ADK: variants seen among roughly 807,000 people sequenced by gnomAD.
ADK encodes N6,N6-dimethyladenosine kinase.
Under a neutral mutation model 44.7 loss-of-function variants are expected in ADK, and 24 were observed. The ratio of observed to expected loss-of-function variants is 0.54; its 90% CI spans 0.39 to 0.76. The LOEUF is 0.76. Among genes scored for constraint, ADK ranks in the 30% least tolerant of loss-of-function variants. The pLI is 0.00. For synonymous variants in ADK, 128 were observed against 142.6 expected (o/e 0.90, Z 0.73); for missense variants, 321 against 425.1 (o/e 0.76, Z 2.15).
intron 3 of ADK, among the ~76,000 whole-genome samples, chr10:74,311,685 A>G (rs1840438141): frequency 6.6e-6 from 1 of 152,222 alleles, no homozygotes; most frequent in African/African-American, 2.4e-5. Context: ...TAAAGATTAA[A>G]CAATATCATA....
intron 6 of ADK, among the ~76,000 whole-genome samples, chr10:74,505,811 CT>C (rs1373060842): frequency 7.9e-5 from 12 of 152,108 alleles, no homozygotes; most frequent in Non-Finnish European, 1.8e-4. Context: ...TTATGACCCC[CT>C]AATCTAGATC....
At position 74,600,448 on chromosome 10, in the gene ADK, A is replaced by G; in HGVS notation, c.832A>G (p.Ile278Val). The G allele has an allele frequency of 6.2e-7, 1 of 1,611,798 alleles. No individual in the cohort carries two copies. ...AAAGATGAACTCAAAGAGGCAGCGAATCGTGATCTTCACCCAAGGGAGAGA... is the reference window on the plus strand; with the variant it reads ...AAAGATGAACTCAAAGAGGCAGCGAGTCGTGATCTTCACCCAAGGGAGAGA... ...LPKMNSKRQRIVIFTQGRDDT... is the reference protein window; with the variant it reads ...LPKMNSKRQRVVIFTQGRDDT... Residue 278 changes from isoleucine (I) to valine (V), a missense_variant, in exon 9 of 11, where the codon ATC becomes GTC. Physicochemically the swap from Ile to Val is conservative, Grantham distance 29. Transcript: ENST00000539909.
At chr10:74,322,354 G>T (rs911118456) in intron 4 of ADK, among the ~76,000 whole-genome samples, 1 of 152,124 alleles carries the variant, frequency 6.6e-6, no homozygotes, top group Non-Finnish European at 1.5e-5. Flanking sequence ...ACACCGTCTC[G>T]TCAATTCTTT....
At chr10:74,540,226 CAAGT>C (rs1564781561) in intron 7 of ADK, among the ~76,000 whole-genome samples, 1 of 151,958 alleles carries the variant, frequency 6.6e-6, no homozygotes, top group African/African-American at 2.4e-5. Context: ...TAAATACACT[CAAGT>C]AAAGAAAAAC....
chr10:74,220,955 G>A (rs1207579459), intron 2 of ADK, among the ~76,000 whole-genome samples: 45 of 151,080 alleles, frequency 3.0e-4, no homozygotes, highest in South Asian at 6.3e-4. Flanking sequence ...TTTGAAAACT[G>A]GCACAAGACA....
intron 7 of ADK, among the ~76,000 whole-genome samples, chr10:74,573,486 G>A (rs574331441): frequency 1.6e-4 from 24 of 152,328 alleles, no homozygotes; most frequent in East Asian, 7.7e-4. Flanking sequence ...CAGTCTGCCC[G>A]TTCTCAGATC....
chr10:74,626,011 A>G (rs899156361), intron 9 of ADK, among the ~76,000 whole-genome samples: 4 of 152,232 alleles, frequency 2.6e-5, no homozygotes, highest in African/African-American at 9.6e-5. Context: ...ATACTAAATA[A>G]ATAAATCAAC....
intron 3 of ADK, among the ~76,000 whole-genome samples, chr10:74,294,505 T>C (rs967454198): frequency 1.3e-5 from 2 of 152,214 alleles, no homozygotes; most frequent in Non-Finnish European, 2.9e-5. Context: ...CAGGCTAGTC[T>C]TGAACTCCTG....
chr10:74,685,718 T>A (rs1012417953), intron 10 of ADK, among the ~76,000 whole-genome samples: 2 of 152,196 alleles, frequency 1.3e-5, no homozygotes, highest in African/African-American at 4.8e-5. Context: ...TACAGTAATT[T>A]ATTTTATTCT....
intron 6 of ADK, among the ~76,000 whole-genome samples, chr10:74,399,117 GAC>G (rs1379707134): frequency 2.6e-5 from 4 of 151,802 alleles, no homozygotes; most frequent in Non-Finnish European, 5.9e-5. Flanking sequence ...TAAGTCTTCT[GAC>G]ACAAAAATAA....
intron 2 of ADK, among the ~76,000 whole-genome samples, chr10:74,210,039 C>T (rs1253834310): frequency 1.3e-5 from 2 of 151,930 alleles, no homozygotes; most frequent in Non-Finnish European, 2.9e-5. Flanking sequence ...AATGAAAATA[C>T]TCAGTTTTGG....
chr10:74,681,643 C>T (rs531092110), intron 10 of ADK, among the ~76,000 whole-genome samples: 3 of 75,428 alleles, frequency 4.0e-5, no homozygotes, highest in South Asian at 9.0e-4. Flanking sequence ...GTCAGGAGTT[C>T]GAGACCACCG....
chr10:74,405,669 A>G (rs1478398442), intron 6 of ADK, among the ~76,000 whole-genome samples: 4 of 152,018 alleles, frequency 2.6e-5, no homozygotes, highest in Non-Finnish European at 2.9e-5. Flanking sequence ...ATGCCTGATG[A>G]TCTGAGGTGC....
At chr10:74,246,004 G>A (rs1007163776) in intron 3 of ADK, among the ~76,000 whole-genome samples, 3 of 152,004 alleles carry the variant, frequency 2.0e-5, no homozygotes, top group Admixed American at 2.0e-4. Flanking sequence ...GTCATGATGA[G>A]GATAAGTGTA....
At chr10:74,176,084 T>C (rs527239134) in intron 1 of ADK, among the ~76,000 whole-genome samples, 1 of 152,300 alleles carries the variant, frequency 6.6e-6, no homozygotes, top group East Asian at 1.9e-4. Context: ...TTTATGTCTG[T>C]ACCTGATTCA....
In ADK at chr10:74,617,781, G is replaced by A. The variant is rs148231461; in HGVS notation, c.877+17288G>A. ...AATTTTTTAAATTTTTTGAAGAGAC[G>A]AGGTCTCACTGTCTTGCCCAGACTG... On this transcript the variant is annotated intron_variant, in intron 9 of 10. Transcript: ENST00000539909. 4.0e-3 allele frequency among the ~76,000 whole-genome samples: 615 copies of A among 151,876 alleles called. 5 individuals are homozygous for A. Among genetic ancestry groups the A allele is most frequent in the African/African-American group, 0.013 (545 of 41,428 alleles).
intron 7 of ADK, among the ~76,000 whole-genome samples, chr10:74,565,050 A>G (rs1336830838): frequency 2.6e-5 from 4 of 152,142 alleles, no homozygotes; most frequent in Non-Finnish European, 5.9e-5. Context: ...TTCTTTCCCT[A>G]TTCTGTGCCC....
intron 4 of ADK, among the ~76,000 whole-genome samples, chr10:74,372,983 G>A (rs1252481117): frequency 1.3e-5 from 2 of 152,132 alleles, no homozygotes; most frequent in African/African-American, 4.8e-5. Flanking sequence ...CATAATGATA[G>A]ACATATCTAT....
At chr10:74,172,481 G>C (rs1231446400) in intron 1 of ADK, among the ~76,000 whole-genome samples, 1 of 152,056 alleles carries the variant, frequency 6.6e-6, no homozygotes. Flanking sequence ...CTGAGGTTGG[G>C]AGTTTGAGAC....
Sources: allele counts gnomAD v4.1 joint callset (sites outside exome capture counted in the v4.1 genomes callset), GRCh38; gene constraint gnomAD v4.1.1; transcripts MANE v1.5; gene names NCBI Gene and HGNC (gene_info 2026-07-23, HGNC 2026-07-21).